LONP2: variants seen among roughly 807,000 people sequenced by gnomAD.
The protein encoded by LONP2 is lon protease homolog 2, peroxisomal.
LONP2 carries 60 observed loss-of-function variants against 85.6 expected under a neutral mutation model. That is an observed-to-expected ratio of 0.70 (90% CI 0.57 to 0.87). The LOEUF is 0.87. Ranked by LOEUF, LONP2 falls within the 40% of genes least tolerant of loss-of-function variation. The pLI, the probability that LONP2 is intolerant of heterozygous loss-of-function variation, is 0.00. For missense variants in LONP2, 860 were observed against 1,063.5 expected, an observed-to-expected ratio of 0.81 and a Z score of 2.66; for synonymous variants, 395 against 389.7, an observed-to-expected ratio of 1.01 and a Z score of -0.16.
intron 12 of LONP2, chr16:48,336,604 T>C (rs1343575813): frequency 2.8e-6 from 1 of 358,870 alleles, no homozygotes; most frequent in Non-Finnish European, 5.5e-6. Flanking sequence ...GGTTGTTCTC[T>C]TGCTGGCAGG....
At chr16:48,295,148 G>C (rs1213754284) in intron 8 of LONP2, among the ~76,000 whole-genome samples, 1 of 152,170 alleles carries the variant, frequency 6.6e-6, no homozygotes, top group Non-Finnish European at 1.5e-5. Flanking sequence ...GAGGCAGGCG[G>C]ATCACTTGAG....
chr16:48,317,081 G>A (rs1973161922), intron 11 of LONP2, among the ~76,000 whole-genome samples: 1 of 152,112 alleles, frequency 6.6e-6, no homozygotes, highest in Non-Finnish European at 1.5e-5. Flanking sequence ...GTACTCCCAG[G>A]ATGTAGTTCT....
intron 11 of LONP2, among the ~76,000 whole-genome samples, chr16:48,309,550 T>C (rs188816056): frequency 0.012 from 1,898 of 152,326 alleles, 17 homozygotes; most frequent in Non-Finnish European, 0.019. Context: ...AAGCATGAGC[T>C]ATCATGCCCA....
intron 1 of LONP2, among the ~76,000 whole-genome samples, chr16:48,244,835 C>G (rs1201708973): frequency 6.6e-6 from 1 of 152,224 alleles, no homozygotes; most frequent in Non-Finnish European, 1.5e-5. Context: ...TGCCTGACAC[C>G]TGGTGAAACT....
intron 11 of LONP2, among the ~76,000 whole-genome samples, chr16:48,313,021 C>G (rs1973067289): frequency 1.3e-5 from 2 of 152,150 alleles, no homozygotes; most frequent in Non-Finnish European, 2.9e-5. Flanking sequence ...GAGGCTGCCT[C>G]ATACATTGTT....
At chr16:48,302,041 A>G (rs987928263) in intron 10 of LONP2, among the ~76,000 whole-genome samples, 2 of 152,230 alleles carry the variant, frequency 1.3e-5, no homozygotes, top group Non-Finnish European at 2.9e-5. Context: ...TGGTATAGGA[A>G]GCCCATGCTT....
chr16:48,278,009 A>G (rs1355957860), intron 8 of LONP2, among the ~76,000 whole-genome samples: 2 of 151,714 alleles, frequency 1.3e-5, no homozygotes, highest in Non-Finnish European at 2.9e-5. Flanking sequence ...TAGATCTCGC[A>G]ATAAGAATTT....
intron 11 of LONP2, among the ~76,000 whole-genome samples, chr16:48,329,678 G>T (rs557268839): frequency 1.2e-3 from 179 of 152,288 alleles, no homozygotes; most frequent in Non-Finnish European, 1.6e-3. Flanking sequence ...TGGAGAAGGG[G>T]TGACTACTGT....
Position 48,334,200 on chromosome 16 carries a change from T to A in LONP2, c.1796-16T>A, listed in dbSNP as rs768257758. On this transcript the variant is annotated splice_polypyrimidine_tract_variant and intron_variant, in intron 11 of 14. Transcript: ENST00000285737. ...AAATCTCTTAGAACTTCTAAATACA[T>A]TTTTTTTTCTTTTAGGTTGCAGAGA... 3.2e-6 allele frequency: 5 copies of A among 1,583,392 alleles called. No individual in the cohort carries two copies. Among genetic ancestry groups the A allele is most frequent in the Admixed American group, 3.4e-5 (2 of 57,982 alleles).
intron 12 of LONP2, among the ~76,000 whole-genome samples, chr16:48,346,879 G>A (rs1959981008): frequency 1.3e-5 from 2 of 152,120 alleles, no homozygotes; most frequent in Non-Finnish European, 2.9e-5. Context: ...GGCTGGGTGT[G>A]GTGGCTCACA....
chr16:48,255,316 C>T lies in LONP2; in HGVS notation c.469-1294C>T, dbSNP rs1251327267. ...GGCAGGAAAAGGAAATGGGGCGCAT[C>T]TCTCATTGGCTTGTAATGCTTCTGC... On this transcript the variant is annotated intron_variant, in intron 2 of 14. Transcript: ENST00000285737. Among the ~76,000 whole-genome samples the T allele has an allele frequency of 2.6e-5, 4 of 152,228 alleles. No individual in the cohort carries two copies. In the South Asian group the frequency reaches 6.2e-4, roughly 24 times the overall value.
intron 3 of LONP2, among the ~76,000 whole-genome samples, chr16:48,257,870 T>C (rs568092814): frequency 2.0e-5 from 3 of 152,326 alleles, no homozygotes; most frequent in South Asian, 4.1e-4. Flanking sequence ...GAGAGCGGCC[T>C]GTGCTCCGAC....
chr16:48,270,363 A>G (rs901353099), intron 7 of LONP2, 89 bp downstream of exon 7: 53 of 1,402,792 alleles, frequency 3.8e-5, no homozygotes, highest in Middle Eastern at 1.9e-4. Context: ...GCATACATCT[A>G]TTTTCCTTAA....
chr16:48,329,969 C>T (rs1713084130), intron 11 of LONP2, among the ~76,000 whole-genome samples: 1 of 152,082 alleles, frequency 6.6e-6, no homozygotes, highest in Admixed American at 6.5e-5. Context: ...GGATAGATTG[C>T]TGCAAAAAAG....
At chr16:48,286,107 T>G (rs1789835917) in intron 8 of LONP2, among the ~76,000 whole-genome samples, 1 of 152,138 alleles carries the variant, frequency 6.6e-6, no homozygotes, top group South Asian at 2.1e-4. Flanking sequence ...GGGGCATTAG[T>G]TTTTTAAGCA....
intron 12 of LONP2, among the ~76,000 whole-genome samples, chr16:48,338,055 G>C (rs1161883405): frequency 6.6e-6 from 1 of 152,066 alleles, no homozygotes; most frequent in Admixed American, 6.6e-5. Context: ...CCATCCACCT[G>C]CCTCAGCCTC....
At chr16:48,336,344 C>A (rs1959648181) in intron 12 of LONP2, 1 of 456,072 alleles carries the variant, frequency 2.2e-6, no homozygotes, top group African/African-American at 2.0e-5. Flanking sequence ...AACACTTTTA[C>A]CAACATGAGT....
At position 48,289,344 on chromosome 16, in the gene LONP2, T is replaced by C. The variant is rs191397175; in HGVS notation, c.1384-6671T>C. ...TCAATCAGCATATGTAAGGTGAACA[T>C]TGGTTTGGTCTGGAAAGGCAGGACA... On this transcript the variant is annotated intron_variant, in intron 8 of 14. Coordinates refer to ENST00000285737, the MANE Select transcript of LONP2 (RefSeq NM_031490.5). 8.6e-4 allele frequency among the ~76,000 whole-genome samples: 131 copies of C among 152,252 alleles called. 1 individual carries two copies. The highest frequency in any genetic ancestry group is 3.1e-3 in the African/African-American group (129 of 41,532).
chr16:48,290,280 A>G (rs1324486269), intron 8 of LONP2, among the ~76,000 whole-genome samples: 2 of 152,122 alleles, frequency 1.3e-5, no homozygotes, highest in Admixed American at 6.5e-5. Context: ...GGAAAAGTAA[A>G]CTCAGTTTCT....
Sources: gnomAD v4.1 joint callset for allele counts (sites outside exome capture counted in the v4.1 genomes callset) on GRCh38, gnomAD v4.1.1 for gene constraint, MANE v1.5 for transcripts, NCBI Gene and HGNC (gene_info 2026-07-23, HGNC 2026-07-21) for gene names.